CHRNA1: variants seen among roughly 807,000 people sequenced by gnomAD.
The protein encoded by CHRNA1 is acetylcholine receptor subunit alpha.
In CHRNA1, 35 loss-of-function variants were observed where a neutral mutation model predicts 47.1. The ratio of observed to expected loss-of-function variants is 0.74; its 90% CI spans 0.57 to 0.99. The LOEUF (loss-of-function observed/expected upper bound fraction) is 0.99, where lower values mean the gene tolerates loss of function less well. CHRNA1 is among the 50% of genes least tolerant of loss of function. The pLI, the probability that CHRNA1 is intolerant of heterozygous loss-of-function variation, is 0.00. For synonymous variants in CHRNA1, 229 were observed against 223.6 expected (o/e 1.02, Z -0.22); for missense variants, 506 against 591.1 (o/e 0.86, Z 1.49).
At chr2:174,753,834 G>A in intron 5 of CHRNA1, 94 bp from the exon 6 acceptor site, 7 of 1,176,858 alleles carry the variant, frequency 5.9e-6, no homozygotes, top group Non-Finnish European at 8.7e-6. Flanking sequence ...ACAGATTCCA[G>A]CTCTGTGGGT....
chr2:174,763,618 C>T (rs986502604), intron 1 of CHRNA1, among the ~76,000 whole-genome samples: 13 of 152,090 alleles, frequency 8.5e-5, no homozygotes, highest in African/African-American at 2.4e-4. Context: ...TTCCCTCTAG[C>T]GGAAGTCTGG....
chr2:174,759,990 A>T (rs1234570906), intron 1 of CHRNA1, among the ~76,000 whole-genome samples: 1 of 151,950 alleles, frequency 6.6e-6, no homozygotes, highest in Non-Finnish European at 1.5e-5. Flanking sequence ...AGCCAATCTC[A>T]GTGTTTCAGA....
At chr2:174,750,653 T>G (rs1162208858) in intron 6 of CHRNA1, among the ~76,000 whole-genome samples, 1 of 152,198 alleles carries the variant, frequency 6.6e-6, no homozygotes, top group East Asian at 1.9e-4. Flanking sequence ...AAAGCATTAT[T>G]CTGGGAAATC....
At chr2:174,756,749 G>T (rs546602368) in intron 4 of CHRNA1, among the ~76,000 whole-genome samples, 89 of 152,240 alleles carry the variant, frequency 5.8e-4, no homozygotes, top group Non-Finnish European at 2.1e-4. Flanking sequence ...CGCCTTAAAA[G>T]GTATCGTTTT....
In CHRNA1 at chr2:174,753,449, A is replaced by G. The variant is rs752126174; in HGVS notation, c.778+54T>C. The G allele has an allele frequency of 2.8e-5, 42 of 1,504,722 alleles. No individual in the cohort carries two copies. The South Asian group carries it at 4.3e-4, about 15-fold the overall frequency. 93.2% of individuals were successfully genotyped at this position (1,504,722 alleles called of 1,614,324 possible). A position where few individuals can be genotyped will look rare whatever the true frequency, so the allele number is the denominator to read the frequency against. On this transcript the variant is annotated intron_variant, in intron 6 of 8. Coordinates refer to ENST00000348749, the MANE Select transcript of CHRNA1 (RefSeq NM_000079.4). ...TGATTATTTCTGGCTTCCCCAAAATAGCAGCACGAGACCCATCAGCGTCAG... is the reference window on the plus strand; with the variant it reads ...TGATTATTTCTGGCTTCCCCAAAATGGCAGCACGAGACCCATCAGCGTCAG...
chr2:174,756,132 T>C (rs1449195863), intron 4 of CHRNA1, among the ~76,000 whole-genome samples: 1 of 152,128 alleles, frequency 6.6e-6, no homozygotes, highest in Non-Finnish European at 1.5e-5. Context: ...TTTTCAAATG[T>C]TGGCAATGAT....
intron 7 of CHRNA1, 118 bp from the exon 8 acceptor site, chr2:174,748,937 C>G: frequency 7.6e-7 from 1 of 1,314,930 alleles, no homozygotes; most frequent in Non-Finnish European, 1.0e-6. Flanking sequence ...TGGGCTTCAG[C>G]CTCCTTGTCC....
At chr2:174,753,462 C>T (rs1165526323) in intron 6 of CHRNA1, 41 bp downstream of exon 6, 22 of 1,554,442 alleles carry the variant, frequency 1.4e-5, no homozygotes, top group Non-Finnish European at 1.4e-5. Context: ...AGCACGAGAC[C>T]CATCAGCGTC....
intron 1 of CHRNA1, among the ~76,000 whole-genome samples, chr2:174,763,709 A>C (rs1684139403): frequency 1.3e-5 from 2 of 152,160 alleles, no homozygotes; most frequent in South Asian, 4.1e-4. Context: ...AAGGTTTTAT[A>C]GTTTCAATTC....
chr2:174,748,898 G>A lies in CHRNA1; in HGVS notation c.1003-79C>T, dbSNP rs982084978. The A allele has an allele frequency of 3.8e-6, 6 of 1,570,598 alleles. No individual in the cohort carries two copies. The African/African-American group carries it at 5.4e-5, about 14-fold the overall frequency. On this transcript the variant is annotated intron_variant, in intron 7 of 8. Transcript: ENST00000348749. ...AAAACTCTGTCTTTGAATTATCAAT[G>A]TGATTTGGGGTAAGTCATTCAGTTT...
At chr2:174,754,166 C>A (rs1683920561) in intron 5 of CHRNA1, 53 bp downstream of exon 5, 2 of 1,552,742 alleles carry the variant, frequency 1.3e-6, no homozygotes, top group African/African-American at 1.4e-5. Flanking sequence ...AAGTTGGAGA[C>A]CCGAATCACA....
rs200969433 is a variant in CHRNA1, at chr2:174,748,661, G to T, written c.1161C>A (p.Ile387=). ...TGGCACTTTTCACCTCGGGGTGTTT[G>T]ATCAGGGGAGAGTGGAAGCCCATGG... is the stretch of plus-strand genomic sequence containing the variant. The part of the protein sequence containing the change: ...PPPMGFHSPL[I]KHPEVKSAIE... Residue 387 remains isoleucine, a synonymous_variant, in exon 8 of 9, where the codon ATC becomes ATA. Coordinates refer to ENST00000348749, the MANE Select transcript of CHRNA1 (RefSeq NM_000079.4). The T allele has an allele frequency of 3.1e-6, 5 of 1,614,200 alleles. No homozygotes were observed. The highest frequency in any genetic ancestry group is 4.2e-6 in the Non-Finnish European group (5 of 1,180,030).
At chr2:174,758,198 C>T (rs989291059) in intron 3 of CHRNA1, among the ~76,000 whole-genome samples, 1 of 152,150 alleles carries the variant, frequency 6.6e-6, no homozygotes, top group Non-Finnish European at 1.5e-5. Flanking sequence ...CACCTGAGGT[C>T]AGGAGTTCGA....
chr2:174,762,370 TAAAC>T (rs2105354025), intron 1 of CHRNA1, among the ~76,000 whole-genome samples: 1 of 152,300 alleles, frequency 6.6e-6, no homozygotes, highest in African/African-American at 2.4e-5. Flanking sequence ...AGGGTGTAAA[TAAAC>T]AAATATGCAA....
chr2:174,754,234 G>T lies in CHRNA1; in HGVS notation c.525C>A (p.Val175=), dbSNP rs186421442. Residue 175 remains valine, a synonymous_variant, in exon 5 of 9, where the codon GTC becomes GTA. Transcript: ENST00000348749. The part of the protein sequence containing the change: ...KLGTWTYDGS[V]VAINPESDQP... ...CACCACCTACCGGGTTGATGGCCAC[G>T]ACAGAGCCGTCGTAGGTCCAGGTGC... 1 of 1,613,574 alleles carries T rather than the reference G, an allele frequency of 6.2e-7. No homozygotes were observed. The highest frequency in any genetic ancestry group is 1.1e-5 in the South Asian group (1 of 91,032).
At chr2:174,754,465 C>G in intron 4 of CHRNA1, 51 bp from the exon 5 acceptor site, 1 of 1,523,736 alleles carries the variant, frequency 6.6e-7, no homozygotes, top group Non-Finnish European at 9.1e-7. Context: ...GATGAGCCTT[C>G]CATTCTGCTT....
In CHRNA1 at chr2:174,764,367, A is replaced by C. The variant is rs752524549; in HGVS notation, c.28T>G (p.Phe10Val). The part of the protein sequence containing the change: MEPWPLLLL[F>V]SLCSAGLVLG... ...CAGCACTTACCTGAGCAAAGGCTAA[A>C]GAGCAGGAGGAGAGGCCAGGGCTCC... is the stretch of plus-strand genomic sequence containing the variant. The change falls in exon 1 of 9, where the codon TTT becomes GTT. Residue 10 changes from phenylalanine to valine, a missense_variant. Phe to Val is a conservative substitution (Grantham distance 50, BLOSUM62 -1). Transcript: ENST00000348749. 1.2e-6 allele frequency: 2 copies of C among 1,613,458 alleles called. No homozygotes were observed. The highest frequency in any genetic ancestry group is 1.7e-6 in the Non-Finnish European group (2 of 1,179,808).
chr2:174,748,399 T>C, intron 8 of CHRNA1, 144 bp from the exon 9 acceptor site: 3 of 1,407,272 alleles, frequency 2.1e-6, no homozygotes, highest in Non-Finnish European at 2.9e-6. Context: ...CTTTATTTTT[T>C]GAATAGATTA....
intron 6 of CHRNA1, among the ~76,000 whole-genome samples, chr2:174,750,491 A>G (rs1199291272): frequency 1.3e-5 from 2 of 152,104 alleles, no homozygotes; most frequent in Non-Finnish European, 2.9e-5. Flanking sequence ...CTCTACTGGC[A>G]CCTTGATCTT....
Sources: allele counts gnomAD v4.1 joint callset (sites outside exome capture counted in the v4.1 genomes callset), GRCh38; gene constraint gnomAD v4.1.1; transcripts MANE v1.5; gene names NCBI Gene and HGNC (gene_info 2026-07-23, HGNC 2026-07-21).